Variants in ADGRV1 observed in about 807,000 individuals in gnomAD.
The protein encoded by ADGRV1 is adhesion G protein-coupled receptor V1, also known as G-protein coupled receptor 98.
Under a neutral mutation model 596.2 loss-of-function variants are expected in ADGRV1, and 359 were observed. The observed-to-expected ratio is 0.60, with a 90% CI of 0.55 to 0.66. The LOEUF is 0.66. Among genes scored for constraint, ADGRV1 ranks in the 30% least tolerant of loss-of-function variants. The probability of loss-of-function intolerance (pLI) is 0.00; values close to 1 mark genes in which losing one functional copy is unlikely to be tolerated. For missense variants in ADGRV1, 7,274 were observed against 7,575.6 expected (o/e 0.96, Z 1.48); for synonymous variants, 2,681 against 2,679.2 (o/e 1.00, Z -0.02).
At chr5:90,693,617 AT>A (rs549511311) in intron 32 of ADGRV1, among the ~76,000 whole-genome samples, 43 of 152,246 alleles carry the variant, frequency 2.8e-4, no homozygotes, top group Admixed American at 4.6e-4. Context: ...TAACTTTGTA[AT>A]TTTGTTTTGA....
At chr5:90,977,110 A>T (rs1779680685) in intron 84 of ADGRV1, among the ~76,000 whole-genome samples, 1 of 152,192 alleles carries the variant, frequency 6.6e-6, no homozygotes, top group South Asian at 2.1e-4. Context: ...TTTCTCGTTC[A>T]TCGTTGATTT....
Position 90,750,571 on chromosome 5 carries a change from G to C in ADGRV1, c.10995G>C (p.Val3665=). The C allele has an allele frequency of 6.2e-7, 1 of 1,608,622 alleles. No homozygotes were observed. The highest frequency in any genetic ancestry group is 1.7e-5 in the Admixed American group (1 of 59,616). Residue 3665 remains valine, a synonymous_variant, in exon 53 of 90, where the codon GTG becomes GTC. Transcript: ENST00000405460. The part of the protein sequence containing the change: ...AFAQNSLYKQ[V]EEMEQDSLVT... ...TTCAGAATTCATTATATAAGCAAGT[G>C]GAAGAAATGGAGCAAGATAGCCTAG...
intron 71 of ADGRV1, 57 bp from the exon 72 acceptor site, chr5:90,805,227 C>A: frequency 1.3e-6 from 2 of 1,488,732 alleles, no homozygotes; most frequent in South Asian, 1.2e-5. Flanking sequence ...ACCCATTCCT[C>A]AGAAAACAGG....
intron 85 of ADGRV1, among the ~76,000 whole-genome samples, chr5:91,043,764 G>A (rs922665826): frequency 6.6e-6 from 1 of 151,788 alleles, no homozygotes; most frequent in Admixed American, 6.6e-5. Flanking sequence ...TGCATTTGCT[G>A]TCTCTTCTAT....
In ADGRV1 at chr5:90,694,330, C is replaced by G. The variant is rs1746889027; in HGVS notation, c.7574C>G (p.Ser2525Cys). Residue 2525 changes from serine (S) to cysteine (C), a missense_variant, in exon 33 of 90, where the codon TCT (serine) becomes TGT (cysteine). Around this residue, in one of 5 missense-constraint regions of ADGRV1, gnomAD observed 3,643 missense variants for 3,809.2 expected, o/e 0.96. Coordinates refer to ENST00000405460, the MANE Select transcript of ADGRV1 (RefSeq NM_032119.4). The stretch of plus-strand genomic sequence containing the variant: ...GATGAATTCGCAAATCTCACAGTGT[C>G]TATTCTTCCTGATGATTTCCCAGAG... ...EGDEFANLTV[S>C]ILPDDFPEMD... 2 of 1,613,842 alleles carry G rather than the reference C, an allele frequency of 1.2e-6. No individual in the cohort carries two copies. The highest frequency in any genetic ancestry group is 2.7e-5 in the African/African-American group (2 of 74,932).
intron 38 of ADGRV1, among the ~76,000 whole-genome samples, chr5:90,708,142 A>G (rs571565305): frequency 3.3e-5 from 5 of 151,258 alleles, no homozygotes; most frequent in Admixed American, 3.3e-4. Flanking sequence ...CTTTGTAAAT[A>G]TTGATGGCTG....
intron 84 of ADGRV1, among the ~76,000 whole-genome samples, chr5:90,982,676 A>T (rs1780173619): frequency 6.6e-6 from 1 of 152,152 alleles, no homozygotes; most frequent in Non-Finnish European, 1.5e-5. Context: ...TTCTATGTCC[A>T]CTTACTTCAG....
chr5:90,715,191 C>G (rs1374944752), intron 42 of ADGRV1, among the ~76,000 whole-genome samples: 1 of 152,164 alleles, frequency 6.6e-6, no homozygotes, highest in Non-Finnish European at 1.5e-5. Context: ...GAGAGGTGAT[C>G]TCTGGAGGCC....
At chr5:90,641,017 T>G (rs1766905390) in intron 11 of ADGRV1, 1 of 152,678 alleles carries the variant, frequency 6.5e-6, no homozygotes, top group Non-Finnish European at 1.5e-5. Context: ...GTGTGCAGTT[T>G]CATTTTCTAA....
intron 70 of ADGRV1, among the ~76,000 whole-genome samples, chr5:90,794,132 G>A (rs913881642): frequency 6.6e-6 from 1 of 152,196 alleles, no homozygotes; most frequent in Admixed American, 6.5e-5. Flanking sequence ...TAAAAGTTGA[G>A]ACTTTGGACA....
chr5:90,922,864 A>G (rs969296197), intron 83 of ADGRV1, among the ~76,000 whole-genome samples: 2 of 152,130 alleles, frequency 1.3e-5, no homozygotes, highest in African/African-American at 4.8e-5. Context: ...TTGGTTCTTG[A>G]TGCATGGTCT....
At chr5:90,893,243 C>A (rs1220046621) in intron 83 of ADGRV1, among the ~76,000 whole-genome samples, 1 of 152,120 alleles carries the variant, frequency 6.6e-6, no homozygotes, top group Admixed American at 6.6e-5. Flanking sequence ...GCTTTGGATT[C>A]TCACCTTTTG....
At chr5:91,099,576 G>A (rs1306588614) in intron 86 of ADGRV1, among the ~76,000 whole-genome samples, 3 of 152,178 alleles carry the variant, frequency 2.0e-5, no homozygotes, top group African/African-American at 7.2e-5. Context: ...TTGGTTACAT[G>A]CAGGGGAGTG....
chr5:90,761,174 C>T (rs570907890), intron 58 of ADGRV1, among the ~76,000 whole-genome samples: 22 of 147,864 alleles, frequency 1.5e-4, no homozygotes, highest in Non-Finnish European at 1.5e-4. Context: ...GGCTGGACTT[C>T]CTGATGCTCC....
At chr5:91,086,939 G>T (rs1789927843) in intron 86 of ADGRV1, among the ~76,000 whole-genome samples, 1 of 152,122 alleles carries the variant, frequency 6.6e-6, no homozygotes, top group Non-Finnish European at 1.5e-5. Flanking sequence ...ATTCCTTCAT[G>T]ACCTAGTGCT....
At chr5:90,735,184 T>G (rs562168251) in intron 50 of ADGRV1, among the ~76,000 whole-genome samples, 7 of 152,364 alleles carry the variant, frequency 4.6e-5, no homozygotes, top group African/African-American at 1.7e-4. Context: ...TTGAGTTGAT[T>G]TATGTATTTG....
At chr5:90,848,605 G>T in intron 78 of ADGRV1, 32 bp from the exon 79 acceptor site, 1 of 1,244,616 alleles carries the variant, frequency 8.0e-7, no homozygotes, top group South Asian at 2.0e-5. Flanking sequence ...TATTTTTATA[G>T]ATATATTTTT....
At chr5:90,663,640 T>G (rs954803103) in intron 21 of ADGRV1, among the ~76,000 whole-genome samples, 5 of 152,292 alleles carry the variant, frequency 3.3e-5, no homozygotes, top group East Asian at 1.9e-4. Context: ...GTCAATTTTG[T>G]CTTTTGTTGC....
At chr5:90,635,534 G>A (rs1766075732) in intron 10 of ADGRV1, among the ~76,000 whole-genome samples, 1 of 152,058 alleles carries the variant, frequency 6.6e-6, no homozygotes, top group Admixed American at 6.6e-5. Flanking sequence ...ATATTTTGAT[G>A]TGACAGCTTT....
Sources: allele counts gnomAD v4.1 joint callset (sites outside exome capture counted in the v4.1 genomes callset), GRCh38; gene constraint gnomAD v4.1.1; regional missense constraint gnomAD v4.1.1; transcripts MANE v1.5; gene names NCBI Gene and HGNC (gene_info 2026-07-23, HGNC 2026-07-21).